Variants in TGFBR2 observed in about 807,000 individuals in gnomAD.
TGFBR2 encodes the protein transforming growth factor beta receptor 2.
A neutral mutation model predicts 49.0 loss-of-function variants in TGFBR2; 18 were observed. The ratio of observed to expected loss-of-function variants is 0.37; its 90% CI spans 0.25 to 0.54. The LOEUF (loss-of-function observed/expected upper bound fraction) is 0.54. Among genes scored for constraint, TGFBR2 ranks in the 20% least tolerant of loss-of-function variants. TGFBR2 has a pLI of 0.85. For missense variants in TGFBR2, 525 were observed against 722.6 expected (o/e 0.73, Z 3.13); for synonymous variants, 282 against 275.9 (o/e 1.02, Z -0.22).
In TGFBR2 at chr3:30,693,699, C is replaced by T; in HGVS notation, c.*2100C>T. On this transcript the variant is annotated 3_prime_UTR_variant, in exon 7 of 7. Transcript: ENST00000295754. ...GCTGATACCATCCCAATAGCTGTTG[C>T]CCATTGACCTCTAGTGGTGAGTTTC... 4.3e-6 allele frequency: 1 copy of T among 233,678 alleles called. No individual in the cohort carries two copies. Among genetic ancestry groups the T allele is most frequent in the Non-Finnish European group, 8.5e-6 (1 of 117,968 alleles). The allele number at this position is 233,678 out of a possible 1,614,324, so 14.5% of individuals were successfully genotyped here. A position where few individuals can be genotyped will look rare whatever the true frequency, so the allele number is the denominator to read the frequency against.
rs570335901 is a variant in TGFBR2 at position 30,641,528 on chromosome 3, A to G, written c.95-3219A>G. The stretch of plus-strand genomic sequence containing the variant: ...CCTGCATACAGGCTTTTGAAAAAAA[A>G]TTCTGGTTAAGCTCTTGCAGTGGTA... On this transcript the variant is annotated intron_variant, in intron 1 of 6. Transcript: ENST00000295754. Among the ~76,000 whole-genome samples, 4 of 152,240 alleles carry G rather than the reference A, an allele frequency of 2.6e-5. No individual in the cohort carries two copies. In the South Asian group the frequency reaches 8.3e-4, roughly 32 times the overall value.
At chr3:30,645,491 C>CTTTTCTTT (rs1553627222) in intron 2 of TGFBR2, among the ~76,000 whole-genome samples, 5 of 136,320 alleles carry the variant, frequency 3.7e-5, no homozygotes, top group East Asian at 2.3e-4. Flanking sequence ...CTACATATTT[C>CTTTTCTTT]TTTTTTTTTT....
At chr3:30,631,320 G>A (rs923591607) in intron 1 of TGFBR2, among the ~76,000 whole-genome samples, 1 of 152,226 alleles carries the variant, frequency 6.6e-6, no homozygotes, top group Middle Eastern at 3.4e-3. Flanking sequence ...GATTACAGGC[G>A]TGAGCCACCG....
At chr3:30,629,994 C>T (rs766546407) in intron 1 of TGFBR2, among the ~76,000 whole-genome samples, 7 of 152,084 alleles carry the variant, frequency 4.6e-5, no homozygotes, top group Admixed American at 3.3e-4. Flanking sequence ...TTGTCATTTC[C>T]TCCCCTCCTC....
intron 1 of TGFBR2, among the ~76,000 whole-genome samples, chr3:30,612,484 C>G (rs940504066): frequency 1.3e-5 from 2 of 152,112 alleles, no homozygotes; most frequent in African/African-American, 4.8e-5. Context: ...GTTCAGTGCT[C>G]CTGATTTAAT....
intron 2 of TGFBR2, among the ~76,000 whole-genome samples, chr3:30,649,318 A>C (rs1222953308): frequency 1.3e-5 from 2 of 152,210 alleles, no homozygotes; most frequent in African/African-American, 4.8e-5. Flanking sequence ...GTAGATAGAG[A>C]GGTGATACCC....
At chr3:30,669,978 CT>C (rs921620704) in intron 3 of TGFBR2, among the ~76,000 whole-genome samples, 88 of 150,152 alleles carry the variant, frequency 5.9e-4, no homozygotes, top group African/African-American at 1.6e-3. Context: ...ATTCTCATCA[CT>C]TTTTTTTTTC....
At chr3:30,608,139 A>T (rs912699174) in intron 1 of TGFBR2, among the ~76,000 whole-genome samples, 4 of 151,850 alleles carry the variant, frequency 2.6e-5, no homozygotes, top group African/African-American at 9.7e-5. Flanking sequence ...GGGTTTCACC[A>T]TATTGGCCAG....
At position 30,674,330 on chromosome 3, in the gene TGFBR2, G is replaced by T. The variant is rs1022154769; in HGVS notation, c.1396+84G>T. 3.2e-6 allele frequency: 5 copies of T among 1,552,712 alleles called. No individual in the cohort carries two copies. The East Asian group carries it at 6.7e-5, about 21-fold the overall frequency. The stretch of plus-strand genomic sequence containing the variant: ...TGTTGCTTCGAGCATTATTCCAGGG[G>T]TTACAAAGCAGTTATTAGAGCTAGT... On this transcript the variant is annotated intron_variant, in intron 5 of 6. Transcript: ENST00000295754.
intron 4 of TGFBR2, among the ~76,000 whole-genome samples, chr3:30,673,282 A>G (rs916055859): frequency 6.6e-6 from 1 of 152,216 alleles, no homozygotes; most frequent in South Asian, 2.1e-4. Context: ...ATACATGCCA[A>G]TAAGAAACAT....
chr3:30,613,426 T>G (rs973046636), intron 1 of TGFBR2, among the ~76,000 whole-genome samples: 3 of 152,138 alleles, frequency 2.0e-5, no homozygotes, highest in African/African-American at 7.2e-5. Flanking sequence ...GCATGGATCC[T>G]TGAAGCCATC....
chr3:30,661,791 G>A (rs557956567), intron 3 of TGFBR2, among the ~76,000 whole-genome samples: 9 of 152,302 alleles, frequency 5.9e-5, no homozygotes, highest in Non-Finnish European at 1.2e-4. Flanking sequence ...TATATTCCAA[G>A]TATTATATCT....
At chr3:30,689,116 T>G (rs1173246715) in intron 6 of TGFBR2, among the ~76,000 whole-genome samples, 1 of 152,216 alleles carries the variant, frequency 6.6e-6, no homozygotes, top group African/African-American at 2.4e-5. Flanking sequence ...GAAATCTGTC[T>G]GTTGGGAACA....
intron 3 of TGFBR2, among the ~76,000 whole-genome samples, chr3:30,654,030 T>TTTTCCTTTTTTCCTTTATTAATTC (rs371553411): frequency 5.5e-4 from 84 of 152,242 alleles, no homozygotes; most frequent in African/African-American, 1.9e-3. Context: ...CCTGTGAAGG[T>TTTTCCTTTTTTCCTTTATTAATTC]TTTCCTTTTT....
At chr3:30,673,265 C>T (rs3773646) in intron 4 of TGFBR2, among the ~76,000 whole-genome samples, 142,753 of 152,252 alleles carry the variant, frequency 0.94, 66,958 homozygotes, top group East Asian at 1. Context: ...AAGAAAAAAA[C>T]TCTCTAATAC....
chr3:30,664,240 T>C (rs1416545501), intron 3 of TGFBR2, among the ~76,000 whole-genome samples: 1 of 151,696 alleles, frequency 6.6e-6, no homozygotes, highest in African/African-American at 2.4e-5. Flanking sequence ...CACCTCAGCC[T>C]CACGAAGTGC....
chr3:30,667,628 CT>C (rs1484524363), intron 3 of TGFBR2, among the ~76,000 whole-genome samples: 3 of 152,052 alleles, frequency 2.0e-5, no homozygotes, highest in Non-Finnish European at 4.4e-5. Flanking sequence ...CACACATAAA[CT>C]TAAGGGGATT....
In TGFBR2 at chr3:30,676,172, A is replaced by G. The variant is rs983559595; in HGVS notation, c.1396+1926A>G. Among the ~76,000 whole-genome samples, 1 of 152,212 alleles carries G rather than the reference A, an allele frequency of 6.6e-6. No homozygotes were observed. The highest frequency in any genetic ancestry group is 2.4e-5 in the African/African-American group (1 of 41,460). On this transcript the variant is annotated intron_variant, in intron 5 of 6. Transcript: ENST00000295754. The surrounding 1 kb of genome is among the most constrained non-coding windows in gnomAD (Gnocchi z 4.3). ...TCAGTGCGTCATATCAGGGGGAATA[A>G]GATGTCCATGTGTCTGGTTATTAAT...
chr3:30,632,507 CA>C (rs1226456912), intron 1 of TGFBR2, among the ~76,000 whole-genome samples: 3 of 152,100 alleles, frequency 2.0e-5, no homozygotes, highest in African/African-American at 4.8e-5. Context: ...ACAGTGGTAA[CA>C]AAAAATTATT....
Sources: allele counts gnomAD v4.1 joint callset (sites outside exome capture counted in the v4.1 genomes callset), GRCh38; gene constraint gnomAD v4.1.1; non-coding constraint Gnocchi (gnomAD v3.1); transcripts MANE v1.5; gene names NCBI Gene and HGNC (gene_info 2026-07-23, HGNC 2026-07-21).